ZNF385B: variants seen among roughly 807,000 people sequenced by gnomAD.
The protein encoded by ZNF385B is zinc finger protein 533.
ZNF385B carries 23 observed loss-of-function variants against 39.2 expected under a neutral mutation model. The observed-to-expected ratio is 0.59, with a 90% CI of 0.42 to 0.83. ZNF385B has a LOEUF of 0.83. Among genes scored for constraint, ZNF385B ranks in the 40% least tolerant of loss-of-function variants. ZNF385B has a pLI of 0.00. For missense variants in ZNF385B, 552 were observed against 598.9 expected, an observed-to-expected ratio of 0.92 and a Z score of 0.82; for synonymous variants, 205 against 222.6, an observed-to-expected ratio of 0.92 and a Z score of 0.70.
At chr2:179,762,001 G>A (rs987850657) in intron 3 of ZNF385B, among the ~76,000 whole-genome samples, 1 of 151,832 alleles carries the variant, frequency 6.6e-6, no homozygotes, top group African/African-American at 2.4e-5. Flanking sequence ...AAAAACATTC[G>A]GTCTTTCACC....
At chr2:179,536,264 T>G (rs1185832184) in intron 4 of ZNF385B, 2 of 152,132 alleles carry the variant, frequency 1.3e-5, no homozygotes, top group African/African-American at 4.8e-5. Flanking sequence ...TAGAATAAGA[T>G]ACAAATTTTT....
In ZNF385B at chr2:179,601,814, C is replaced by A. The variant is rs10048840; in HGVS notation, c.299-56845G>T. Among the ~76,000 whole-genome samples the A allele has an allele frequency of 9.8e-3, 1,490 of 152,174 alleles. 28 individuals are homozygous for A. The highest frequency in any genetic ancestry group is 0.033 in the African/African-American group (1,378 of 41,548). ...TATTATTACACTAAAATGTAATGAT[C>A]AAAGAAAAAGTTTCAGCTTTTAAAC... On this transcript the variant is annotated intron_variant, in intron 3 of 9. Coordinates refer to ENST00000410066, the MANE Select transcript of ZNF385B (RefSeq NM_152520.6).
chr2:179,769,087 C>G (rs766609657), intron 3 of ZNF385B, among the ~76,000 whole-genome samples: 9 of 152,162 alleles, frequency 5.9e-5, no homozygotes, highest in Non-Finnish European at 1.0e-4. Flanking sequence ...ATAAATAAAG[C>G]TGTAGCTTTT....
At chr2:179,516,858 G>A (rs892449984) in intron 5 of ZNF385B, among the ~76,000 whole-genome samples, 5 of 149,848 alleles carry the variant, frequency 3.3e-5, no homozygotes, top group African/African-American at 1.2e-4. Context: ...TCATCTAGAA[G>A]TTTAATAGTT....
intron 6 of ZNF385B, among the ~76,000 whole-genome samples, chr2:179,453,382 C>T (rs1347507727): frequency 1.3e-5 from 2 of 152,088 alleles, no homozygotes; most frequent in Non-Finnish European, 2.9e-5. Context: ...TTTAGTAGAA[C>T]TGGTCCAGCT....
At position 179,753,154 on chromosome 2, in the gene ZNF385B, T is replaced by C. The variant is rs574906361; in HGVS notation, c.298+16349A>G. On this transcript the variant is annotated intron_variant, in intron 3 of 9. Coordinates refer to ENST00000410066, the MANE Select transcript of ZNF385B (RefSeq NM_152520.6). ...TCTAGTTTCAGCTTTCTACATATGG[T>C]TAGCCAATTTGCCCAGCACCATTTG... 4.5e-4 allele frequency among the ~76,000 whole-genome samples: 69 copies of C among 152,268 alleles called. 2 individuals are homozygous for C. The South Asian group carries it at 9.1e-3, about 20-fold the overall frequency.
At chr2:179,670,965 A>G (rs890951033) in intron 3 of ZNF385B, among the ~76,000 whole-genome samples, 14 of 152,188 alleles carry the variant, frequency 9.2e-5, no homozygotes, top group Non-Finnish European at 2.1e-4. Context: ...ACTTATCTAT[A>G]GTTTCTCCAT....
rs905382026 is a variant in ZNF385B at position 179,578,093 on chromosome 2, A to G, written c.299-33124T>C. Among the ~76,000 whole-genome samples the G allele has an allele frequency of 6.6e-5, 10 of 152,270 alleles. No homozygotes were observed. The East Asian group carries it at 1.7e-3, about 26-fold the overall frequency. On this transcript the variant is annotated intron_variant, in intron 3 of 9. Transcript: ENST00000410066. ...GATGTATATGTGTGTTTGTGCATCC[A>G]TATACACATTGATAGATTCTTTGGA... is the stretch of plus-strand genomic sequence containing the variant.
At chr2:179,859,586 T>TC (rs1345348543) in intron 1 of ZNF385B, among the ~76,000 whole-genome samples, 2 of 152,184 alleles carry the variant, frequency 1.3e-5, no homozygotes, top group Non-Finnish European at 2.9e-5. Flanking sequence ...GTCAAGGAGA[T>TC]CTACAAGAAT....
At chr2:179,699,254 CT>C (rs1472947484) in intron 3 of ZNF385B, among the ~76,000 whole-genome samples, 3 of 152,096 alleles carry the variant, frequency 2.0e-5, no homozygotes, top group Non-Finnish European at 4.4e-5. Context: ...CTGAAACTCA[CT>C]CCATTAAATA....
chr2:179,605,257 G>C (rs1011408234), intron 3 of ZNF385B, among the ~76,000 whole-genome samples: 1 of 151,720 alleles, frequency 6.6e-6, no homozygotes, highest in Admixed American at 6.6e-5. Flanking sequence ...TTTTCAGTAA[G>C]ATTTACTTTC....
At position 179,443,109 on chromosome 2, in the gene ZNF385B, T is replaced by C. The variant is rs2049107672; in HGVS notation, c.*141A>G. ...GTCAATCTAGTGATGTGTTTCTCTC[T>C]GGAATTGGGGGACTGGGTGGTGGGC... On this transcript the variant is annotated 3_prime_UTR_variant, in exon 10 of 10. Transcript: ENST00000410066. 3 of 883,276 alleles carry C rather than the reference T, an allele frequency of 3.4e-6. No homozygotes were observed. The highest frequency in any genetic ancestry group is 2.9e-5 in the South Asian group (2 of 69,124). The allele number at this position is 883,276 out of a possible 1,614,324, so 54.7% of individuals were successfully genotyped here.
chr2:179,755,829 T>C (rs1377919498), intron 3 of ZNF385B, among the ~76,000 whole-genome samples: 5 of 152,242 alleles, frequency 3.3e-5, no homozygotes, highest in African/African-American at 4.8e-5. Context: ...TGTGTGTCTC[T>C]GCACGTGAGA....
intron 3 of ZNF385B, among the ~76,000 whole-genome samples, chr2:179,710,309 A>G (rs1400006151): frequency 6.6e-6 from 1 of 151,962 alleles, no homozygotes; most frequent in Non-Finnish European, 1.5e-5. Context: ...GGAAACCTCT[A>G]TTGCCCTTGC....
At chr2:179,769,467 C>T in intron 3 of ZNF385B, 36 bp downstream of exon 3, 1 of 1,609,306 alleles carries the variant, frequency 6.2e-7, no homozygotes, top group Non-Finnish European at 8.5e-7. Context: ...ACCATCTCTC[C>T]CCGCAGCACA....
chr2:179,673,184 A>G (rs1448955215), intron 3 of ZNF385B, among the ~76,000 whole-genome samples: 11 of 152,210 alleles, frequency 7.2e-5, no homozygotes, highest in Admixed American at 7.2e-4. Flanking sequence ...AAGCGAAGTA[A>G]CATATATGTT....
At chr2:179,489,878 A>G (rs2055015692) in intron 5 of ZNF385B, among the ~76,000 whole-genome samples, 1 of 152,232 alleles carries the variant, frequency 6.6e-6, no homozygotes, top group African/African-American at 2.4e-5. Flanking sequence ...GTCCAGACAA[A>G]ATTATAACTA....
intron 3 of ZNF385B, among the ~76,000 whole-genome samples, chr2:179,703,506 G>T (rs1699368055): frequency 6.6e-6 from 1 of 152,034 alleles, no homozygotes; most frequent in Non-Finnish European, 1.5e-5. Context: ...AAAATGTCAG[G>T]TCCAGAAGGT....
chr2:179,526,355 T>C (rs1291759940), intron 4 of ZNF385B, among the ~76,000 whole-genome samples: 1 of 152,018 alleles, frequency 6.6e-6, no homozygotes, highest in Non-Finnish European at 1.5e-5. Flanking sequence ...TTTGGGATGT[T>C]GAGGCAGGCG....
Sources: gnomAD v4.1 joint callset for allele counts (sites outside exome capture counted in the v4.1 genomes callset) on GRCh38, gnomAD v4.1.1 for gene constraint, MANE v1.5 for transcripts, NCBI Gene and HGNC (gene_info 2026-07-23, HGNC 2026-07-21) for gene names.